SYT6: variants seen among roughly 807,000 people sequenced by gnomAD.
The protein encoded by SYT6 is synaptotagmin-6.
SYT6 carries 24 observed loss-of-function variants against 38.4 expected under a neutral mutation model. The observed-to-expected ratio is 0.62, with a 90% confidence interval of 0.45 to 0.88. The LOEUF is 0.88. Among genes scored for constraint, SYT6 ranks in the 40% least tolerant of loss-of-function variants. SYT6 has a pLI of 0.00. For missense variants in SYT6, 611 were observed against 621.0 expected (o/e 0.98, Z 0.17); for synonymous variants, 265 against 241.9 (o/e 1.10, Z -0.89).
chr1:114,132,340 G>T (rs1039661528), intron 3 of SYT6, among the ~76,000 whole-genome samples: 8 of 152,204 alleles, frequency 5.3e-5, no homozygotes, highest in Admixed American at 4.6e-4. Context: ...TTCCCCACGG[G>T]CTTGAAGAGA....
chr1:114,143,943 A>G (rs1679024617), intron 1 of SYT6, among the ~76,000 whole-genome samples: 2 of 152,014 alleles, frequency 1.3e-5, no homozygotes, highest in Admixed American at 6.6e-5. Context: ...CAAATTTGGG[A>G]ATGAACCTTT....
At chr1:114,113,994 A>G (rs1440730264) in intron 3 of SYT6, among the ~76,000 whole-genome samples, 1 of 152,092 alleles carries the variant, frequency 6.6e-6, no homozygotes, top group South Asian at 2.1e-4. Flanking sequence ...CAAATGCCCC[A>G]GGCTCTTCCT....
intron 3 of SYT6, among the ~76,000 whole-genome samples, chr1:114,136,430 C>G (rs1234420847): frequency 6.6e-6 from 1 of 152,190 alleles, no homozygotes; most frequent in African/African-American, 2.4e-5. Context: ...AGGGAATGCC[C>G]CCACTGAGCT....
At chr1:114,117,596 C>T (rs1348045885) in intron 3 of SYT6, among the ~76,000 whole-genome samples, 1 of 152,224 alleles carries the variant, frequency 6.6e-6, no homozygotes, top group Non-Finnish European at 1.5e-5. Flanking sequence ...AGCTGATTTG[C>T]TGGCTCTTTC....
At chr1:114,104,726 T>A (rs551872490) in intron 3 of SYT6, among the ~76,000 whole-genome samples, 56 of 152,302 alleles carry the variant, frequency 3.7e-4, no homozygotes, top group Admixed American at 7.2e-4. Flanking sequence ...GAGCACCTGT[T>A]ATGTGCTAAG....
intron 3 of SYT6, among the ~76,000 whole-genome samples, chr1:114,124,404 AAG>A (rs1390266830): frequency 6.6e-6 from 1 of 152,138 alleles, no homozygotes; most frequent in Non-Finnish European, 1.5e-5. Context: ...AGGCAATTTA[AAG>A]AGGGACGTGT....
chr1:114,106,723 C>A (rs1676338402), intron 3 of SYT6, among the ~76,000 whole-genome samples: 1 of 152,096 alleles, frequency 6.6e-6, no homozygotes, highest in Non-Finnish European at 1.5e-5. Context: ...ACCACACCCC[C>A]ATGGACCCTT....
At chr1:114,135,008 C>T (rs915902371) in intron 3 of SYT6, among the ~76,000 whole-genome samples, 5 of 152,102 alleles carry the variant, frequency 3.3e-5, no homozygotes, top group African/African-American at 1.2e-4. Flanking sequence ...TTGCTTGAGT[C>T]CTTACCTGGC....
chr1:114,114,334 A>G (rs1676865459), intron 3 of SYT6, among the ~76,000 whole-genome samples: 2 of 152,196 alleles, frequency 1.3e-5, no homozygotes, highest in African/African-American at 4.8e-5. Context: ...CTGTATTCTC[A>G]GTACTGAGCA....
At chr1:114,139,370 A>T (rs1295384882) in intron 2 of SYT6, among the ~76,000 whole-genome samples, 3 of 151,888 alleles carry the variant, frequency 2.0e-5, no homozygotes, top group African/African-American at 7.3e-5. Context: ...TCACACCCAC[A>T]CACACCCCAA....
intron 3 of SYT6, among the ~76,000 whole-genome samples, chr1:114,129,889 G>A (rs1678046572): frequency 7.0e-6 from 1 of 142,872 alleles, no homozygotes; most frequent in Admixed American, 7.2e-5. Flanking sequence ...TCCTTGTTTT[G>A]CCAGGGGCTG....
At chr1:114,131,149 G>A (rs1678121607) in intron 3 of SYT6, among the ~76,000 whole-genome samples, 1 of 152,186 alleles carries the variant, frequency 6.6e-6, no homozygotes, top group African/African-American at 2.4e-5. Flanking sequence ...CTGGTTTCCT[G>A]CCTCCCCCAT....
intron 3 of SYT6, among the ~76,000 whole-genome samples, chr1:114,125,500 G>A (rs1412156178): frequency 6.6e-6 from 1 of 152,020 alleles, no homozygotes; most frequent in African/African-American, 2.4e-5. Context: ...ATGAGTAGGT[G>A]TCAATTCAGA....
At chr1:114,101,659 C>A (rs964538338) in intron 4 of SYT6, among the ~76,000 whole-genome samples, 1 of 152,158 alleles carries the variant, frequency 6.6e-6, no homozygotes, top group Non-Finnish European at 1.5e-5. Flanking sequence ...CCATTCAATA[C>A]CTAGCTTAGT....
At chr1:114,106,905 G>A (rs895611569) in intron 3 of SYT6, among the ~76,000 whole-genome samples, 10 of 152,306 alleles carry the variant, frequency 6.6e-5, no homozygotes, top group Non-Finnish European at 1.5e-4. Flanking sequence ...ACCTGCTTGT[G>A]CTTCAGCATG....
At chr1:114,118,169 G>T (rs1236958491) in intron 3 of SYT6, among the ~76,000 whole-genome samples, 1 of 152,182 alleles carries the variant, frequency 6.6e-6, no homozygotes, top group East Asian at 1.9e-4. Context: ...TTGCTGGGAG[G>T]TTGCTATAAA....
chr1:114,114,651 G>A (rs1465377921), intron 3 of SYT6, among the ~76,000 whole-genome samples: 1 of 152,176 alleles, frequency 6.6e-6, no homozygotes, highest in Admixed American at 6.5e-5. Flanking sequence ...CTCTGGAGGC[G>A]GGGCCTGGAT....
chr1:114,147,440 G>A (rs1679211402), intron 1 of SYT6, among the ~76,000 whole-genome samples: 1 of 152,238 alleles, frequency 6.6e-6, no homozygotes, highest in African/African-American at 2.4e-5. Context: ...CATCAGAGGA[G>A]CTCTAGTATT....
chr1:114,142,389 T>G (rs1408735575), intron 1 of SYT6, among the ~76,000 whole-genome samples: 1 of 152,194 alleles, frequency 6.6e-6, no homozygotes, highest in Non-Finnish European at 1.5e-5. Flanking sequence ...AAGTGGAGCC[T>G]GAAGAATGGA....
Sources: allele counts gnomAD v4.1 joint callset (sites outside exome capture counted in the v4.1 genomes callset), GRCh38; gene constraint gnomAD v4.1.1; transcripts MANE v1.5; gene names NCBI Gene and HGNC (gene_info 2026-07-23, HGNC 2026-07-21).